PLCB1: variants seen among roughly 807,000 people sequenced by gnomAD.
The protein encoded by PLCB1 is phospholipase C beta 1, also known as 1-phosphatidylinositol 4,5-bisphosphate phosphodiesterase beta-1.
Under a neutral mutation model 161.8 loss-of-function variants are expected in PLCB1, and 46 were observed. That is an observed-to-expected ratio of 0.28 (90% CI 0.22 to 0.36). The LOEUF (loss-of-function observed/expected upper bound fraction) is 0.36, where lower values mean the gene tolerates loss of function less well. PLCB1 is among the 10% of genes least tolerant of loss of function. PLCB1 has a pLI of 1.00. For synonymous variants in PLCB1, 517 were observed against 503.7 expected (o/e 1.03, Z -0.35); for missense variants, 1,016 against 1,472.5 (o/e 0.69, Z 5.07).
At chr20:8,757,859 AT>A (rs1215443500) in intron 24 of PLCB1, among the ~76,000 whole-genome samples, 2 of 102,238 alleles carry the variant, frequency 2.0e-5, no homozygotes, top group Non-Finnish European at 4.1e-5. Context: ...CTCAAAATGA[AT>A]AAATGAATAA....
chr20:8,706,525 T>A (rs1289690217), intron 11 of PLCB1, among the ~76,000 whole-genome samples: 1 of 152,220 alleles, frequency 6.6e-6, no homozygotes, highest in Non-Finnish European at 1.5e-5. Context: ...ATGGCTCTAC[T>A]GTATTTATCC....
At position 8,472,577 on chromosome 20, in the gene PLCB1, G is replaced by A. The variant is rs78607738; in HGVS notation, c.246+101127G>A. Among the ~76,000 whole-genome samples, 1,501 of 152,176 alleles carry A rather than the reference G, an allele frequency of 9.9e-3. 14 individuals carry two copies. The highest frequency in any genetic ancestry group is 0.018 in the Non-Finnish European group (1,192 of 68,000). Reference sequence around the variant, plus strand: ...TGTTCTCTTTAAGCCAGGTATGATGGTGCATGCCTGTAGTCCAGCTACTGG... The same window carrying A: ...TGTTCTCTTTAAGCCAGGTATGATGATGCATGCCTGTAGTCCAGCTACTGG... On this transcript the variant is annotated intron_variant, in intron 3 of 31. Transcript: ENST00000338037.
In PLCB1 at chr20:8,551,509, G is replaced by A. The variant is rs371227643; in HGVS notation, c.247-76785G>A. On this transcript the variant is annotated intron_variant, in intron 3 of 31. Transcript: ENST00000338037. ...GGGTGTGACCTTTACCGTCCTGTGC[G>A]CATCAGCTATCTCCCCATCCCATAC... 6.6e-5 allele frequency among the ~76,000 whole-genome samples: 10 copies of A among 152,212 alleles called. No individual in the cohort carries two copies. The East Asian group carries it at 1.2e-3, about 18-fold the overall frequency.
intron 31 of PLCB1, among the ~76,000 whole-genome samples, chr20:8,841,589 A>G (rs1406059746): frequency 6.6e-6 from 1 of 152,184 alleles, no homozygotes; most frequent in African/African-American, 2.4e-5. Flanking sequence ...GTCTTTCCGT[A>G]AGACAAATCC....
intron 1 of PLCB1, among the ~76,000 whole-genome samples, chr20:8,134,731 G>A (rs1164951610): frequency 6.6e-6 from 1 of 152,020 alleles, no homozygotes; most frequent in East Asian, 1.9e-4. Context: ...TAGAGAGGAC[G>A]TTAGTGAAAT....
chr20:8,210,040 GT>G (rs1978740236), intron 2 of PLCB1, among the ~76,000 whole-genome samples: 1 of 152,000 alleles, frequency 6.6e-6, no homozygotes, highest in Non-Finnish European at 1.5e-5. Context: ...GTATTATTAT[GT>G]TGTCCGGGCT....
intron 9 of PLCB1, among the ~76,000 whole-genome samples, chr20:8,676,771 A>G (rs1399699586): frequency 6.6e-6 from 1 of 152,234 alleles, no homozygotes; most frequent in African/African-American, 2.4e-5. Context: ...ATATGAACAG[A>G]TAATTAAGTG....
chr20:8,726,008 G>A (rs573770654), intron 16 of PLCB1, among the ~76,000 whole-genome samples: 2 of 152,198 alleles, frequency 1.3e-5, no homozygotes, highest in African/African-American at 4.8e-5. Flanking sequence ...GATTTATGAT[G>A]GACCAAAATA....
intron 3 of PLCB1, among the ~76,000 whole-genome samples, chr20:8,618,592 A>G (rs1988093790): frequency 6.6e-6 from 1 of 152,240 alleles, no homozygotes; most frequent in Admixed American, 6.5e-5. Context: ...ACACAATCAC[A>G]TAACTCACAA....
At chr20:8,851,019 G>T (rs1986867928) in intron 31 of PLCB1, among the ~76,000 whole-genome samples, 1 of 152,094 alleles carries the variant, frequency 6.6e-6, no homozygotes, top group Admixed American at 6.5e-5. Flanking sequence ...TTTTCTTAGT[G>T]TTCTTTCATC....
chr20:8,798,953 C>A (rs1237774842), intron 31 of PLCB1, among the ~76,000 whole-genome samples: 2 of 152,122 alleles, frequency 1.3e-5, no homozygotes, highest in Non-Finnish European at 2.9e-5. Context: ...TAGAAACATG[C>A]AAAGAATTTC....
Position 8,137,421 on chromosome 20 carries a change from G to A in PLCB1, c.99+4671G>A, listed in dbSNP as rs564850225. Among the ~76,000 whole-genome samples the A allele has an allele frequency of 3.3e-5, 5 of 152,288 alleles. No homozygotes were observed. The South Asian group carries it at 1.0e-3, about 32-fold the overall frequency. Reference sequence around the variant, plus strand: ...ATGGAGCAACTACAAAGTGCAAGGTGGATTTTAGAATGGAAGGCTAGCAGA... The same window carrying A: ...ATGGAGCAACTACAAAGTGCAAGGTAGATTTTAGAATGGAAGGCTAGCAGA... On this transcript the variant is annotated intron_variant, in intron 1 of 31. Coordinates refer to ENST00000338037, the MANE Select transcript of PLCB1 (RefSeq NM_015192.4).
chr20:8,712,225 G>A (rs1194878538), intron 12 of PLCB1, among the ~76,000 whole-genome samples: 1 of 152,072 alleles, frequency 6.6e-6, no homozygotes, highest in Non-Finnish European at 1.5e-5. Context: ...AACCTGGGAG[G>A]CAGAGGCTGC....
At chr20:8,542,444 C>T (rs1017015138) in intron 3 of PLCB1, among the ~76,000 whole-genome samples, 4 of 152,098 alleles carry the variant, frequency 2.6e-5, no homozygotes, top group East Asian at 1.9e-4. Context: ...AAGTGACACA[C>T]GGGATATTAT....
chr20:8,269,285 C>A (rs1281742666), intron 2 of PLCB1, among the ~76,000 whole-genome samples: 1 of 151,946 alleles, frequency 6.6e-6, no homozygotes, highest in East Asian at 1.9e-4. Context: ...CTCCCTGTGT[C>A]CATGTGTTCT....
intron 2 of PLCB1, among the ~76,000 whole-genome samples, chr20:8,331,236 T>C (rs2122192060): frequency 6.6e-6 from 1 of 152,342 alleles, no homozygotes; most frequent in Admixed American, 6.5e-5. Flanking sequence ...CTTAAAATTC[T>C]ATCAGAAAAG....
chr20:8,537,617 A>G (rs916241972), intron 3 of PLCB1, among the ~76,000 whole-genome samples: 7 of 152,102 alleles, frequency 4.6e-5, no homozygotes, highest in South Asian at 2.1e-4. Flanking sequence ...ACCTACTGTA[A>G]CACCATGTGT....
chr20:8,740,023 T>G (rs1168922439), intron 21 of PLCB1, among the ~76,000 whole-genome samples: 6 of 152,240 alleles, frequency 3.9e-5, no homozygotes, highest in Admixed American at 6.5e-5. Flanking sequence ...ATAACAATTT[T>G]TTAAAAAAAG....
At chr20:8,630,091 T>G (rs1988537536) in intron 4 of PLCB1, among the ~76,000 whole-genome samples, 1 of 149,322 alleles carries the variant, frequency 6.7e-6, no homozygotes, top group Admixed American at 6.7e-5. Flanking sequence ...TCTTGTTTTT[T>G]TTTTTGATGG....
Sources: gnomAD v4.1 joint callset for allele counts (sites outside exome capture counted in the v4.1 genomes callset) on GRCh38, gnomAD v4.1.1 for gene constraint, MANE v1.5 for transcripts, NCBI Gene and HGNC (gene_info 2026-07-23, HGNC 2026-07-21) for gene names.